The following ZNF254 variants were observed in gnomAD, a reference collection of about 807,000 sequenced individuals.
The protein encoded by ZNF254 is CTD-2017D11.1.
In ZNF254, 10 loss-of-function variants were observed where a neutral mutation model predicts 12.4. The ratio of observed to expected loss-of-function variants is 0.80; its 90% CI spans 0.50 to 1.36. The LOEUF (loss-of-function observed/expected upper bound fraction) is 1.36. Among genes scored for constraint, ZNF254 ranks in the 40% most tolerant of loss-of-function variants. The probability of loss-of-function intolerance (pLI) is 0.00; values close to 1 mark genes in which losing one functional copy is unlikely to be tolerated. For synonymous variants in ZNF254, 305 were observed against 253.4 expected (o/e 1.20, Z -1.93); for missense variants, 996 against 763.9 (o/e 1.30, Z -3.58).
At chr19:24,090,034 GAAAA>G (rs575080256) in intron 1 of ZNF254, among the ~76,000 whole-genome samples, 3 of 94,762 alleles carry the variant, frequency 3.2e-5, no homozygotes, top group Non-Finnish European at 4.5e-5. Context: ...CTAAAAATAC[GAAAA>G]AAAAAAAAAA....
At position 24,126,524 on chromosome 19, in the gene ZNF254, G is replaced by T. The variant is rs1568476376; in HGVS notation, c.524G>T (p.Arg175Ile). Residue 175 changes from arginine (R) to isoleucine (I), a missense_variant, in exon 4 of 4, where the codon AGA (arginine) becomes ATA (isoleucine). By Grantham distance (97) the Arg-to-Ile change is moderately conservative. Transcript: ENST00000357002. ...KFLNSNRPKIRHTEKKSFKCK... is the reference protein window; with the variant it reads ...KFLNSNRPKIIHTEKKSFKCK... ...TTAAATTCAAACAGACCTAAGATAA[G>T]ACATACTGAAAAGAAATCTTTCAAA... 1 of 1,599,758 alleles carries T rather than the reference G, an allele frequency of 6.3e-7. No homozygotes were observed. Among genetic ancestry groups the T allele is most frequent in the Non-Finnish European group, 8.5e-7 (1 of 1,175,680 alleles).
chr19:24,050,362 G>C (rs1005197379), intron 2 of ZNF254, among the ~76,000 whole-genome samples: 3 of 152,108 alleles, frequency 2.0e-5, no homozygotes, highest in Admixed American at 2.0e-4. Context: ...ATATCACCCT[G>C]TTGGCCAGGC....
At chr19:24,123,619 C>T (rs1042878249) in intron 3 of ZNF254, among the ~76,000 whole-genome samples, 5 of 152,056 alleles carry the variant, frequency 3.3e-5, no homozygotes, top group African/African-American at 1.2e-4. Flanking sequence ...CGTGCGTGCA[C>T]AAACACATAC....
rs140868660 is a variant in ZNF254 at position 24,090,127 on chromosome 19, G to A, written c.30+2790G>A. On this transcript the variant is annotated intron_variant, in intron 1 of 3. Transcript: ENST00000357002. ...GCAGGAGAATCAGTTGAACCTCAGA[G>A]GCGGAGGTTGCAGTGAGTGGATATC... 4.9e-3 allele frequency among the ~76,000 whole-genome samples: 740 copies of A among 152,002 alleles called. 5 individuals are homozygous for A. The highest frequency in any genetic ancestry group is 0.017 in the African/African-American group (687 of 41,454).
In ZNF254 at chr19:24,128,036, C is replaced by A; in HGVS notation, c.*56C>A. 6.9e-7 allele frequency: 1 copy of A among 1,447,876 alleles called. No individual in the cohort carries two copies. The highest frequency in any genetic ancestry group is 9.1e-7 in the Non-Finnish European group (1 of 1,101,364). 89.7% of individuals were successfully genotyped at this position (1,447,876 alleles called of 1,614,324 possible). Reference sequence around the variant, plus strand: ...ATTCTTAATAGATATAAGATTATTCCTACTGGAGAGAAACTACAAACCTGA... The same window carrying A: ...ATTCTTAATAGATATAAGATTATTCATACTGGAGAGAAACTACAAACCTGA... On this transcript the variant is annotated 3_prime_UTR_variant, in exon 4 of 4. Coordinates refer to ENST00000357002, the MANE Select transcript of ZNF254 (RefSeq NM_203282.4).
At chr19:24,088,176 A>G (rs1161195950) in intron 1 of ZNF254, among the ~76,000 whole-genome samples, 15 of 151,928 alleles carry the variant, frequency 9.9e-5, no homozygotes, top group African/African-American at 3.4e-4. Context: ...CGAAAGTGCT[A>G]GGATTACAGG....
intron 3 of ZNF254, among the ~76,000 whole-genome samples, chr19:24,124,974 G>A (rs962101040): frequency 2.6e-5 from 4 of 151,752 alleles, no homozygotes; most frequent in African/African-American, 7.3e-5. Context: ...TAGTAGAGAC[G>A]GGGTTTTGCC....
chr19:24,085,780 A>G (rs73524123), upstream of ZNF254, among the ~76,000 whole-genome samples: 671 of 152,018 alleles, frequency 4.4e-3, 2 homozygotes, highest in African/African-American at 0.016. Context: ...GGAAATAAAA[A>G]AACAGTGTAT....
At position 24,079,135 on chromosome 19, in the gene ZNF254, T is replaced by G. The variant is rs558754146; in HGVS notation, c.-93-26805T>G. ...TACCATATGTTCAAGCATTTTTGCT[T>G]CTCAGTCAGAATGAAACCCTGCAGC... On this transcript the variant is annotated intron_variant, in intron 2 of 4. Transcript: ENST00000613065. 142 of 152,282 alleles carry G rather than the reference T, an allele frequency of 9.3e-4. 1 individual carries two copies. The highest frequency in any genetic ancestry group is 3.3e-3 in the African/African-American group (137 of 41,558). The allele number at this position is 152,282 out of a possible 1,614,324, so 9.4% of individuals were successfully genotyped here. A position where few individuals can be genotyped will look rare whatever the true frequency, so the allele number is the denominator to read the frequency against.
intron 3 of ZNF254, among the ~76,000 whole-genome samples, chr19:24,113,153 A>G (rs533307787): frequency 3.3e-5 from 5 of 152,200 alleles, no homozygotes; most frequent in Admixed American, 6.5e-5. Context: ...TCAATAGAAA[A>G]AGAGGGAATC....
chr19:24,068,099 G>C (rs1481761332), intron 2 of ZNF254, among the ~76,000 whole-genome samples: 1 of 152,190 alleles, frequency 6.6e-6, no homozygotes, highest in African/African-American at 2.4e-5. Context: ...AGATGGCCTC[G>C]TGACATATTT....
intron 1 of ZNF254, among the ~76,000 whole-genome samples, chr19:24,095,524 T>G (rs982558036): frequency 2.6e-5 from 4 of 152,186 alleles, no homozygotes; most frequent in Non-Finnish European, 5.9e-5. Context: ...CTTGGCTTTG[T>G]TTGGTTGGTA....
At chr19:24,105,633 A>G (rs183066452) in intron 1 of ZNF254, 36 of 261,950 alleles carry the variant, frequency 1.4e-4, no homozygotes, top group Middle Eastern at 1.4e-3. Context: ...AAATATACAT[A>G]ACTCATTCTG....
At chr19:24,114,067 A>G (rs1255326399) in intron 3 of ZNF254, among the ~76,000 whole-genome samples, 2 of 151,832 alleles carry the variant, frequency 1.3e-5, no homozygotes, top group Non-Finnish European at 2.9e-5. Context: ...GCTCATGGGT[A>G]GGAAGAATCA....
chr19:24,063,840 C>T (rs901687093), intron 2 of ZNF254: 2 of 150,014 alleles, frequency 1.3e-5, no homozygotes, highest in Non-Finnish European at 2.9e-5. Context: ...TGGCTGGGCT[C>T]AGCACTAAGA....
intron 3 of ZNF254, among the ~76,000 whole-genome samples, chr19:24,109,491 CTA>C (rs778166383): frequency 9.9e-5 from 15 of 151,884 alleles, no homozygotes; most frequent in Non-Finnish European, 1.8e-4. Flanking sequence ...TTTATTGTGT[CTA>C]TTGATTTCGT....
chr19:24,059,013 C>T lies in ZNF254; in HGVS notation c.-94+12734C>T, dbSNP rs1325041407. ...CCAGTACCTGGCTGGTGTGACTCCT[C>T]TCTTCTTTCTAGGTTCCACCTGCAG... On this transcript the variant is annotated intron_variant, in intron 2 of 4. Coordinates refer to the ZNF254 transcript ENST00000613065. Among the ~76,000 whole-genome samples the T allele has an allele frequency of 3.3e-5, 5 of 152,226 alleles. No homozygotes were observed. In the East Asian group the frequency reaches 9.6e-4, roughly 29 times the overall value.
chr19:24,106,649 T>C lies in ZNF254; in HGVS notation c.253+6T>C, dbSNP rs1479934396. 6.3e-7 allele frequency: 1 copy of C among 1,575,912 alleles called. No homozygotes were observed. Among genetic ancestry groups the C allele is most frequent in the Admixed American group, 1.7e-5 (1 of 58,800 alleles). Reference sequence around the variant, plus strand: ...GATGGTGGATGAACCCCCAGGTAGGTGAGAGTGAATACAACAGATGACATG... The same window carrying C: ...GATGGTGGATGAACCCCCAGGTAGGCGAGAGTGAATACAACAGATGACATG... On this transcript the variant is annotated splice_donor_region_variant and intron_variant, in intron 3 of 3. Coordinates refer to ENST00000357002, the MANE Select transcript of ZNF254 (RefSeq NM_203282.4).
intron 2 of ZNF254, among the ~76,000 whole-genome samples, chr19:24,051,518 A>G (rs979148259): frequency 8.5e-5 from 13 of 152,318 alleles, no homozygotes; most frequent in Admixed American, 4.6e-4. Flanking sequence ...TGCTGGGCCC[A>G]GAATCCGGGT....
Sources: allele counts gnomAD v4.1 joint callset (sites outside exome capture counted in the v4.1 genomes callset), GRCh38; gene constraint gnomAD v4.1.1; transcripts MANE v1.5; gene names NCBI Gene and HGNC (gene_info 2026-07-23, HGNC 2026-07-21).